The following GET4 variants were observed in gnomAD, a reference collection of about 807,000 sequenced individuals.
The protein encoded by GET4 is Golgi to ER traffic protein 4 homolog.
Under a neutral mutation model 40.0 loss-of-function variants are expected in GET4, and 20 were observed. The ratio of observed to expected loss-of-function variants is 0.50; its 90% confidence interval spans 0.35 to 0.73. The LOEUF is 0.73. Among genes scored for constraint, GET4 ranks in the 30% least tolerant of loss-of-function variants. The probability of loss-of-function intolerance (pLI) is 0.01; values close to 1 mark genes in which losing one functional copy is unlikely to be tolerated. For synonymous variants in GET4, 280 were observed against 194.6 expected, an observed-to-expected ratio of 1.44 and a Z score of -3.65; for missense variants, 557 against 454.0, an observed-to-expected ratio of 1.23 and a Z score of -2.06.
intron 5 of GET4, 104 bp downstream of exon 5, chr7:891,170 A>C: frequency 1.1e-6 from 1 of 872,808 alleles, no homozygotes; most frequent in South Asian, 1.7e-5. Context: ...CTGCAGGATA[A>C]ACTGAGTTCA....
chr7:895,341 T>TCTGACCAG lies in GET4; in HGVS notation c.905_912dup (p.Leu305Ter). 1 of 1,564,130 alleles carries TCTGACCAG rather than the reference T, an allele frequency of 6.4e-7. No individual in the cohort carries two copies. The highest frequency in any genetic ancestry group is 8.8e-7 in the Non-Finnish European group (1 of 1,138,570). On this transcript the variant is annotated frameshift_variant, in exon 9 of 9. Transcript: ENST00000265857. LOFTEE classifies it high-confidence loss of function. The stretch of plus-strand genomic sequence containing the variant: ...CGGTGTTCTTCTTTCCAGGGAACCT[T>TCTGACCAG]CTGACCAGCCTCATGGGCTCCTCAG...
At chr7:878,845 C>T (rs1199036498) in intron 1 of GET4, among the ~76,000 whole-genome samples, 1 of 152,220 alleles carries the variant, frequency 6.6e-6, no homozygotes, top group Admixed American at 6.5e-5. Flanking sequence ...ACCCAAAGTG[C>T]TGGGATTACA....
Position 887,727 on chromosome 7 carries a change from C to T in GET4, c.466+208C>T, listed in dbSNP as rs533566571. On this transcript the variant is annotated intron_variant, in intron 4 of 8. Transcript: ENST00000265857. ...GAGAAGCTGCGAGAAGGGGGGCAGG[C>T]GGCCGCCTCTCCAGGCCTTCCCGTG... Among the ~76,000 whole-genome samples, 408 of 152,322 alleles carry T rather than the reference C, an allele frequency of 2.7e-3. 3 individuals carry two copies. The highest frequency in any genetic ancestry group is 8.8e-3 in the African/African-American group (366 of 41,560).
At chr7:878,209 C>T (rs1844008025) in intron 1 of GET4, 1 of 468,858 alleles carries the variant, frequency 2.1e-6, no homozygotes, top group Non-Finnish European at 4.4e-6. Flanking sequence ...GCACGCCCCT[C>T]GGGACTGTGA....
chr7:894,326 G>A (rs570987094), intron 8 of GET4, among the ~76,000 whole-genome samples: 1 of 152,170 alleles, frequency 6.6e-6, no homozygotes, highest in Non-Finnish European at 1.5e-5. Flanking sequence ...CCGTCGTGCT[G>A]GGGCAGGCAG....
Position 894,033 on chromosome 7 carries a change from C to G in GET4, c.895+62C>G, listed in dbSNP as rs947744970. On this transcript the variant is annotated intron_variant, in intron 8 of 8. Transcript: ENST00000265857. ...CTGGGTCGGTGTGGGGTCATCATCT[C>G]TGCCCAGGCAGGTCCAGTGCGGTCC... 18 of 1,146,162 alleles carry G rather than the reference C, an allele frequency of 1.6e-5. No individual in the cohort carries two copies. The African/African-American group carries it at 2.6e-4, about 17-fold the overall frequency. The allele number at this position is 1,146,162 out of a possible 1,614,324, so 71.0% of individuals were successfully genotyped here.
chr7:895,319 T>G lies in GET4; in HGVS notation c.896-15T>G. The G allele has an allele frequency of 7.1e-7, 1 of 1,403,540 alleles. No homozygotes were observed. The highest frequency in any genetic ancestry group is 1.0e-6 in the Non-Finnish European group (1 of 995,392). 86.9% of individuals were successfully genotyped at this position (1,403,540 alleles called of 1,614,324 possible). A position where few individuals can be genotyped will look rare whatever the true frequency, so the allele number is the denominator to read the frequency against. ...GGCTGCCCAGGCGTGACTGCCACGG[T>G]GTTCTTCTTTCCAGGGAACCTTCTG... On this transcript the variant is annotated splice_polypyrimidine_tract_variant and intron_variant, in intron 8 of 8. Coordinates refer to ENST00000265857, the MANE Select transcript of GET4 (RefSeq NM_015949.3).
rs757924690 is a variant in GET4, at chr7:892,451, T to C, written c.746+33T>C. On this transcript the variant is annotated intron_variant, in intron 6 of 8. Transcript: ENST00000265857. ...TTGGGATCCTGCAGGGGGAGGGGGC[T>C]GTGAATGTGCGGGTTGTGTGTAGAC... 1.6e-5 allele frequency: 26 copies of C among 1,579,238 alleles called. No individual in the cohort carries two copies. The Middle Eastern group carries it at 6.8e-4, about 41-fold the overall frequency.
At chr7:893,380 T>C in intron 6 of GET4, among the ~76,000 whole-genome samples, 1 of 124,866 alleles carries the variant, frequency 8.0e-6, no homozygotes, top group Non-Finnish European at 1.7e-5. Context: ...GCGTGGTGTG[T>C]GCAGGTGAGT....
At position 885,863 on chromosome 7, in the gene GET4, C is replaced by T. The variant is rs1459077527; in HGVS notation, c.156-193C>T. The T allele has an allele frequency of 2.5e-5, 15 of 593,798 alleles. No homozygotes were observed. The East Asian group carries it at 4.2e-4, about 17-fold the overall frequency. The allele number at this position is 593,798 out of a possible 1,614,324, so 36.8% of individuals were successfully genotyped here. A position where few individuals can be genotyped will look rare whatever the true frequency, so the allele number is the denominator to read the frequency against. ...AGGCCCTTAGTGTCCAGAGGCGCCC[C>T]ATGCAGCCCTCATGGTCAGCAGGAC... On this transcript the variant is annotated intron_variant, in intron 1 of 8. Coordinates refer to ENST00000265857, the MANE Select transcript of GET4 (RefSeq NM_015949.3).
At chr7:884,317 A>G (rs763510323) in intron 1 of GET4, 4 of 1,303,962 alleles carry the variant, frequency 3.1e-6, no homozygotes, top group South Asian at 2.5e-5. Context: ...TGAGTCAGTC[A>G]TGTCCCTGCA....
chr7:893,129 CGTG>C (rs60767221), intron 6 of GET4, among the ~76,000 whole-genome samples: 18,346 of 107,864 alleles, frequency 0.17, 1,576 homozygotes, highest in South Asian at 0.28. Flanking sequence ...TGGGTGTAGG[CGTG>C]GTGTGTGCAG....
At chr7:883,898 CG>C in intron 1 of GET4, 1 of 1,033,516 alleles carries the variant, frequency 9.7e-7, no homozygotes, top group Non-Finnish European at 1.2e-6. Flanking sequence ...CCAGCCAGGC[CG>C]GGGACCACTG....
intron 8 of GET4, among the ~76,000 whole-genome samples, chr7:894,748 G>T (rs79250926): frequency 6.6e-6 from 1 of 152,208 alleles, no homozygotes; most frequent in African/African-American, 2.4e-5. Flanking sequence ...TGCCACGGCC[G>T]TGTCTTTGTA....
In GET4 at chr7:876,638, C is replaced by G. The variant is rs921651504; in HGVS notation, c.-8C>G. 12 of 1,253,902 alleles carry G rather than the reference C, an allele frequency of 9.6e-6. No homozygotes were observed. The Admixed American group carries it at 2.3e-4, about 24-fold the overall frequency. The allele number at this position is 1,253,902 out of a possible 1,614,324, so 77.7% of individuals were successfully genotyped here. On this transcript the variant is annotated 5_prime_UTR_variant, in exon 1 of 9. Transcript: ENST00000265857. ...GACAGCGTCAGCCCTGCGCGGAGCGCCGGCCCGATGGCGGCGGCGGCGGCG... is the reference window on the plus strand; with the variant it reads ...GACAGCGTCAGCCCTGCGCGGAGCGGCGGCCCGATGGCGGCGGCGGCGGCG...
intron 1 of GET4, chr7:884,404 C>A (rs1296920101): frequency 7.8e-7 from 1 of 1,276,360 alleles, no homozygotes; most frequent in South Asian, 1.2e-5. Flanking sequence ...GGTGGGTCTC[C>A]CTCCAGAACC....
intron 4 of GET4, among the ~76,000 whole-genome samples, chr7:890,460 T>C (rs1199353115): frequency 6.7e-6 from 1 of 150,238 alleles, no homozygotes; most frequent in African/African-American, 2.5e-5. Context: ...AGGACGGGCT[T>C]GGGAGTGGTG....
At chr7:886,360 G>T in intron 2 of GET4, 2 of 607,610 alleles carry the variant, frequency 3.3e-6, no homozygotes, top group Non-Finnish European at 5.9e-6. Context: ...AGAGGGCGTT[G>T]TGTTGGTATA....
In GET4 at chr7:892,369, G is replaced by A. The variant is rs758096556; in HGVS notation, c.697G>A (p.Val233Met). ...GTCCATCGAGGACGGGCCTCCGTTTGTGGAGCCGCTGCTTAACTTCATCTG... is the reference window on the plus strand; with the variant it reads ...GTCCATCGAGGACGGGCCTCCGTTTATGGAGCCGCTGCTTAACTTCATCTG... ...HPSIEDGPPF[V>M]EPLLNFIWFL... The change falls in exon 6 of 9, where the codon GTG becomes ATG. Residue 233 changes from valine (V) to methionine (M), a missense_variant. Coordinates refer to ENST00000265857, the MANE Select transcript of GET4 (RefSeq NM_015949.3). 3.8e-5 allele frequency: 60 copies of A among 1,594,180 alleles called. No individual in the cohort carries two copies. Among genetic ancestry groups the A allele is most frequent in the Non-Finnish European group, 4.7e-5 (55 of 1,163,536 alleles).
Sources: allele counts gnomAD v4.1 joint callset (sites outside exome capture counted in the v4.1 genomes callset), GRCh38; gene constraint gnomAD v4.1.1; transcripts MANE v1.5; gene names NCBI Gene and HGNC (gene_info 2026-07-23, HGNC 2026-07-21).